SOCS6: variants seen among roughly 807,000 people sequenced by gnomAD.
SOCS6 encodes the protein suppressor of cytokine signaling 6.
SOCS6 carries 5 observed loss-of-function variants against 27.7 expected under a neutral mutation model. The observed-to-expected ratio is 0.18, with a 90% CI of 0.09 to 0.38. The LOEUF (loss-of-function observed/expected upper bound fraction) is 0.38. Ranked by LOEUF, SOCS6 falls within the 10% of genes least tolerant of loss-of-function variation. The pLI is 1.00. For synonymous variants in SOCS6, 271 were observed against 260.0 expected (o/e 1.04, Z -0.41); for missense variants, 595 against 688.1 (o/e 0.86, Z 1.51).
Position 70,325,351 on chromosome 18 carries a change from A to G in SOCS6, c.683A>G (p.Asp228Gly). 1 of 1,614,136 alleles carries G rather than the reference A, an allele frequency of 6.2e-7. No individual in the cohort carries two copies. The change falls in exon 2 of 2, where the codon GAT (aspartate) becomes GGT (glycine). Residue 228 changes from aspartate (D) to glycine (G), a missense_variant. By Grantham distance (94) the Asp-to-Gly change is moderately conservative (BLOSUM62 -1). This residue lies in a region of SOCS6 where 467 missense variants were observed against 481.1 expected (regional missense o/e 0.97). Coordinates refer to ENST00000397942, the MANE Select transcript of SOCS6 (RefSeq NM_004232.4). This position sits in a 1 kb window ranked among gnomAD's most constrained non-coding sequence, Gnocchi z 6.3. Reference sequence around the variant, plus strand: ...TACATTCAGTATACTGTGCCTTTAGATGAGGGGATGTATCCTTTGGAAGGA... The same window carrying G: ...TACATTCAGTATACTGTGCCTTTAGGTGAGGGGATGTATCCTTTGGAAGGA... ...QDYIQYTVPL[D>G]EGMYPLEGSR...
intron 1 of SOCS6, among the ~76,000 whole-genome samples, chr18:70,300,664 A>T (rs1448815295): frequency 1.3e-5 from 2 of 152,094 alleles, no homozygotes; most frequent in African/African-American, 4.8e-5. Flanking sequence ...TGATTTAGAG[A>T]TTATCATGTA....
chr18:70,326,378 T>A lies in SOCS6; in HGVS notation c.*102T>A. ...CATCAAAATCTTTTGCTGCCATAAC[T>A]ATTTCAGTTTTATGTGTAAAAGAGT... On this transcript the variant is annotated 3_prime_UTR_variant, in exon 2 of 2. Coordinates refer to ENST00000397942, the MANE Select transcript of SOCS6 (RefSeq NM_004232.4). The A allele has an allele frequency of 9.8e-7, 1 of 1,019,272 alleles. No individual in the cohort carries two copies. The highest frequency in any genetic ancestry group is 1.5e-6 in the Non-Finnish European group (1 of 688,912). The allele number at this position is 1,019,272 out of a possible 1,614,324, so 63.1% of individuals were successfully genotyped here. A position where few individuals can be genotyped will look rare whatever the true frequency, so the allele number is the denominator to read the frequency against.
In SOCS6 at chr18:70,319,226, G is replaced by A. The variant is rs533268181; in HGVS notation, c.-126-5317G>A. On this transcript the variant is annotated intron_variant, in intron 1 of 1. Transcript: ENST00000397942. ...GGCAAATAGTGTTCTCACAGGTTTA[G>A]GAGCGGTGGAGTAGAATCTAAGAAA... Among the ~76,000 whole-genome samples, 10 of 152,154 alleles carry A rather than the reference G, an allele frequency of 6.6e-5. No homozygotes were observed. In the East Asian group the frequency reaches 1.7e-3, roughly 27 times the overall value.
chr18:70,327,659 T>C lies in SOCS6; in HGVS notation c.*1383T>C. 6.0e-6 allele frequency: 1 copy of C among 167,208 alleles called. No individual in the cohort carries two copies. The highest frequency in any genetic ancestry group is 1.5e-5 in the Non-Finnish European group (1 of 68,104). 10.4% of individuals were successfully genotyped at this position (167,208 alleles called of 1,614,324 possible). On this transcript the variant is annotated 3_prime_UTR_variant, in exon 2 of 2. Coordinates refer to ENST00000397942, the MANE Select transcript of SOCS6 (RefSeq NM_004232.4). ...TTAGTTATTTTGTAATGCAGAGTGT[T>C]TATTCATTTCACAGTTCTGCAATGG...
chr18:70,319,608 TA>T (rs34494275), intron 1 of SOCS6, among the ~76,000 whole-genome samples: 13,835 of 126,098 alleles, frequency 0.11, 756 homozygotes, highest in Middle Eastern at 0.2. Context: ...AGCACTTCAG[TA>T]AAAAAAAAAA....
chr18:70,310,449 T>C (rs1341880514), intron 1 of SOCS6, among the ~76,000 whole-genome samples: 2 of 150,618 alleles, frequency 1.3e-5, no homozygotes, highest in Non-Finnish European at 3.0e-5. Context: ...GCCTGGCTAA[T>C]TTTCTAATTT....
chr18:70,324,258 C>T (rs1389198921), intron 1 of SOCS6, among the ~76,000 whole-genome samples: 19 of 149,404 alleles, frequency 1.3e-4, no homozygotes, highest in Admixed American at 5.9e-4. Context: ...GCCGAGATCA[C>T]GCCACTGCAC....
Position 70,325,834 on chromosome 18 carries a change from TCA to T in SOCS6, c.1170_1171del (p.Arg391LeufsTer22). The T allele has an allele frequency of 1.2e-6, 2 of 1,614,214 alleles. No individual in the cohort carries two copies. Among genetic ancestry groups the T allele is most frequent in the Non-Finnish European group, 1.7e-6 (2 of 1,180,040 alleles). On this transcript the variant is annotated frameshift_variant, in exon 2 of 2. Transcript: ENST00000397942. LOFTEE classifies it high-confidence loss of function. The surrounding 1 kb of genome is among the most constrained non-coding windows in gnomAD (Gnocchi z 6.3). Reference sequence around the variant, plus strand: ...AAGCAAGGATGGTACTGGGGACCAATCACACGTTGGGAGGCAGAAGGGAAGCT... The same window carrying T: ...AAGCAAGGATGGTACTGGGGACCAATCACGTTGGGAGGCAGAAGGGAAGCT...
rs1911255471 is a variant in SOCS6 at position 70,327,534 on chromosome 18, A to G, written c.*1258A>G. 2 of 166,718 alleles carry G rather than the reference A, an allele frequency of 1.2e-5. No homozygotes were observed. Among genetic ancestry groups the G allele is most frequent in the South Asian group, 4.1e-4 (2 of 4,836 alleles). The allele number at this position is 166,718 out of a possible 1,614,324, so 10.3% of individuals were successfully genotyped here. ...ATCATATATACTGCCATTTAAAAATAGGTTTTTAAAATTTAGCTAAGTCTT... is the reference window on the plus strand; with the variant it reads ...ATCATATATACTGCCATTTAAAAATGGGTTTTTAAAATTTAGCTAAGTCTT... On this transcript the variant is annotated 3_prime_UTR_variant, in exon 2 of 2. Coordinates refer to ENST00000397942, the MANE Select transcript of SOCS6 (RefSeq NM_004232.4).
At chr18:70,318,794 G>A (rs1258092052) in intron 1 of SOCS6, among the ~76,000 whole-genome samples, 1 of 152,128 alleles carries the variant, frequency 6.6e-6, no homozygotes, top group African/African-American at 2.4e-5. Context: ...TAATTAGCCA[G>A]GTGTGGTGGT....
At chr18:70,297,167 C>G (rs969350924) in intron 1 of SOCS6, among the ~76,000 whole-genome samples, 1 of 152,080 alleles carries the variant, frequency 6.6e-6, no homozygotes, top group African/African-American at 2.4e-5. Flanking sequence ...ATTTGTGAAA[C>G]CTTTTCTCAG....
At chr18:70,293,330 A>C (rs713131) in intron 1 of SOCS6, among the ~76,000 whole-genome samples, 19,279 of 152,188 alleles carry the variant, frequency 0.13, 1,219 homozygotes, top group Middle Eastern at 0.22. Flanking sequence ...TTATCATTAC[A>C]TGGCCCCAAC....
intron 1 of SOCS6, among the ~76,000 whole-genome samples, chr18:70,305,576 G>C (rs1480029681): frequency 2.0e-5 from 3 of 152,084 alleles, no homozygotes; most frequent in African/African-American, 4.8e-5. Context: ...TAGGAATATT[G>C]TATCAATTAA....
chr18:70,317,541 CTTCATATATACAT>C (rs1568602818), intron 1 of SOCS6, among the ~76,000 whole-genome samples: 989 of 5,952 alleles, frequency 0.17, 19 homozygotes, highest in Middle Eastern at 0.25. Flanking sequence ...TATATACACA[CTTCATATATACAT>C]ACACACACAC....
chr18:70,325,908 G>T lies in SOCS6; in HGVS notation c.1240G>T (p.Asp414Tyr), dbSNP rs201635997. Reference protein sequence around the residue: ...GSFLVRDSSDDRYLLSLSFRS... With the variant: ...GSFLVRDSSDYRYLLSLSFRS... The stretch of plus-strand genomic sequence containing the variant: ...TTTTCTTGTTCGGGACAGTTCTGAC[G>T]ACCGTTACCTTTTAAGCTTGAGCTT... The change falls in exon 2 of 2, where the codon GAC (aspartate) becomes TAC (tyrosine). Residue 414 changes from aspartate (D) to tyrosine (Y), a missense_variant. Asp to Tyr is a radical substitution (Grantham distance 160). Coordinates refer to ENST00000397942, the MANE Select transcript of SOCS6 (RefSeq NM_004232.4). This position sits in a 1 kb window ranked among gnomAD's most constrained non-coding sequence, Gnocchi z 6.3. 45 of 1,614,092 alleles carry T rather than the reference G, an allele frequency of 2.8e-5. No homozygotes were observed. The highest frequency in any genetic ancestry group is 3.7e-5 in the Non-Finnish European group (44 of 1,180,056).
intron 1 of SOCS6, chr18:70,296,660 A>G (rs1286006314): frequency 2.0e-5 from 3 of 152,236 alleles, no homozygotes; most frequent in Non-Finnish European, 4.4e-5. Context: ...GTTAAGTCAC[A>G]TGCCGCCAGT....
At chr18:70,324,005 C>T (rs1911087958) in intron 1 of SOCS6, among the ~76,000 whole-genome samples, 1 of 152,066 alleles carries the variant, frequency 6.6e-6, no homozygotes, top group South Asian at 2.1e-4. Flanking sequence ...CAGGCTTGTT[C>T]TTTATAAACA....
chr18:70,321,880 G>C (rs1007624381), intron 1 of SOCS6, among the ~76,000 whole-genome samples: 1 of 152,150 alleles, frequency 6.6e-6, no homozygotes, highest in Non-Finnish European at 1.5e-5. Flanking sequence ...GTTTAACTTT[G>C]TTGGGCAAAT....
intron 1 of SOCS6, among the ~76,000 whole-genome samples, chr18:70,318,618 T>G (rs67739333): frequency 0.16 from 23,877 of 151,758 alleles, 2,128 homozygotes; most frequent in Middle Eastern, 0.28. Flanking sequence ...TATTGTTGTT[T>G]TTTTTTTTTA....
Sources: gnomAD v4.1 joint callset for allele counts (sites outside exome capture counted in the v4.1 genomes callset) on GRCh38, gnomAD v4.1.1 for gene constraint, gnomAD v4.1.1 regional missense constraint, Gnocchi (gnomAD v3.1) non-coding constraint, MANE v1.5 for transcripts, NCBI Gene and HGNC (gene_info 2026-07-23, HGNC 2026-07-21) for gene names.